The following ASZ1 variants were observed in gnomAD, a reference collection of about 807,000 sequenced individuals.
The protein encoded by ASZ1 is ankyrin repeat, SAM and basic leucine zipper domain-containing protein 1.
ASZ1 carries 67 observed loss-of-function variants against 61.8 expected under a neutral mutation model. The observed-to-expected ratio is 1.08, with a 90% confidence interval of 0.89 to 1.33. The LOEUF is 1.33. Ranked by LOEUF, ASZ1 falls within the 40% of genes most tolerant of loss-of-function variation. ASZ1 has a pLI of 0.00. For missense variants in ASZ1, 577 were observed against 554.5 expected, an observed-to-expected ratio of 1.04 and a Z score of -0.41; for synonymous variants, 193 against 192.7, an observed-to-expected ratio of 1.00 and a Z score of -0.01.
intron 4 of ASZ1, among the ~76,000 whole-genome samples, chr7:117,408,084 A>G (rs899157763): frequency 6.6e-6 from 1 of 152,108 alleles, no homozygotes. Context: ...TTTATGAAGG[A>G]ATGGTTAAAT....
At chr7:117,369,817 A>G (rs1796015265) in intron 10 of ASZ1, among the ~76,000 whole-genome samples, 1 of 152,210 alleles carries the variant, frequency 6.6e-6, no homozygotes, top group African/African-American at 2.4e-5. Context: ...ATGGCATAAT[A>G]ATTAAGAACA....
rs1584748344 is a variant in ASZ1 at position 117,426,891 on chromosome 7, A to G, written c.150T>C (p.Phe50=). 7 of 1,613,080 alleles carry G rather than the reference A, an allele frequency of 4.3e-6. No homozygotes were observed. In the South Asian group the frequency reaches 5.5e-5, roughly 13 times the overall value. Reference sequence around the variant, plus strand: ...CATCTCCGATGGTCATTGCTTTCTTAAATTTTTCTTTCTTTTCTTCAATGG... The same window carrying G: ...CATCTCCGATGGTCATTGCTTTCTTGAATTTTTCTTTCTTTTCTTCAATGG... ...LLPIEEKKEK[F]KKAMTIGDVS... Residue 50 remains phenylalanine (F), a synonymous_variant, in exon 2 of 13, where the codon TTT becomes TTC. Transcript: ENST00000284629.
At chr7:117,396,130 A>C (rs1207317786) in intron 4 of ASZ1, among the ~76,000 whole-genome samples, 1 of 152,190 alleles carries the variant, frequency 6.6e-6, no homozygotes, top group Non-Finnish European at 1.5e-5. Flanking sequence ...TATGAGCATA[A>C]AATAGTTTCT....
rs529255725 is a variant in ASZ1 at position 117,425,439 on chromosome 7, T to C, written c.205+1397A>G. Among the ~76,000 whole-genome samples, 91 of 151,776 alleles carry C rather than the reference T, an allele frequency of 6.0e-4. 1 individual carries two copies. The highest frequency in any genetic ancestry group is 3.4e-3 in the Middle Eastern group (1 of 292). On this transcript the variant is annotated intron_variant, in intron 2 of 12. Transcript: ENST00000284629. ...CGCCACCACGCCCAGCTAATTTTTT[T>C]TGTGTTTTTTAGTAGAGACGGGGTT...
Position 117,422,310 on chromosome 7 carries a change from A to C in ASZ1, c.255T>G (p.Tyr85Ter). The change falls in exon 3 of 13, where the codon TAT (tyrosine) becomes TAG (stop). Residue 85 changes from tyrosine to a stop codon, truncating the protein, a stop_gained. Coordinates refer to ENST00000284629, the MANE Select transcript of ASZ1 (RefSeq NM_130768.3). LOFTEE classifies it high-confidence loss of function. ...GCTCTGCATTGGCAACACTAGCAGC[A>C]TACATAAGGGGAGTCCATCCATACT... is the stretch of plus-strand genomic sequence containing the variant. ...NFQYGWTPLM[Y>*]AASVANAELV... 1 of 1,613,820 alleles carries C rather than the reference A, an allele frequency of 6.2e-7. No individual in the cohort carries two copies. Among genetic ancestry groups the C allele is most frequent in the Non-Finnish European group, 8.5e-7 (1 of 1,179,742 alleles).
chr7:117,382,735 T>C (rs1004659527), intron 7 of ASZ1, among the ~76,000 whole-genome samples: 3 of 152,080 alleles, frequency 2.0e-5, no homozygotes, highest in African/African-American at 7.2e-5. Context: ...TTCAGAACCT[T>C]TTAAAAATAG....
Position 117,426,001 on chromosome 7 carries a change from C to T in ASZ1, c.205+835G>A, listed in dbSNP as rs1233700255. On this transcript the variant is annotated intron_variant, in intron 2 of 12. Transcript: ENST00000284629. ...AGAGAGACACTCCATCCCCTTCCTTCAACCCCCCAAAAATGAAATCTGATG... is the reference window on the plus strand; with the variant it reads ...AGAGAGACACTCCATCCCCTTCCTTTAACCCCCCAAAAATGAAATCTGATG... Among the ~76,000 whole-genome samples, 3 of 151,882 alleles carry T rather than the reference C, an allele frequency of 2.0e-5. No homozygotes were observed. In the East Asian group the frequency reaches 5.9e-4, roughly 30 times the overall value.
At chr7:117,383,481 G>A (rs4730779) in intron 6 of ASZ1, among the ~76,000 whole-genome samples, 82,913 of 151,760 alleles carry the variant, frequency 0.55, 25,904 homozygotes, top group African/African-American at 0.87. Context: ...GATACATAGC[G>A]AAACTAAAAA....
chr7:117,394,933 T>A (rs1490926901), intron 4 of ASZ1, among the ~76,000 whole-genome samples: 1 of 152,220 alleles, frequency 6.6e-6, no homozygotes, highest in Non-Finnish European at 1.5e-5. Context: ...TCTTTTATTG[T>A]TCAGGAATAA....
chr7:117,413,773 T>TA (rs1214432933), intron 4 of ASZ1, among the ~76,000 whole-genome samples: 1 of 151,998 alleles, frequency 6.6e-6, no homozygotes, highest in African/African-American at 2.4e-5. Context: ...AATAAGATTT[T>TA]AAAAAAGAAG....
At chr7:117,417,848 A>T (rs2116530975) in intron 4 of ASZ1, among the ~76,000 whole-genome samples, 1 of 152,330 alleles carries the variant, frequency 6.6e-6, no homozygotes, top group East Asian at 1.9e-4. Flanking sequence ...TAGAGAGTTG[A>T]TCATATACCA....
chr7:117,374,709 T>C (rs751900159), intron 10 of ASZ1, among the ~76,000 whole-genome samples: 2 of 152,032 alleles, frequency 1.3e-5, no homozygotes, highest in Non-Finnish European at 2.9e-5. Flanking sequence ...TAAGCTGGTA[T>C]TAAAAGTAAG....
At chr7:117,366,691 A>C (rs528821826) in intron 12 of ASZ1, among the ~76,000 whole-genome samples, 4 of 152,044 alleles carry the variant, frequency 2.6e-5, no homozygotes, top group African/African-American at 9.6e-5. Flanking sequence ...ACCAGAACCA[A>C]AGAAGTCCAT....
In ASZ1 at chr7:117,379,468, C is replaced by T. The variant is rs1202875372; in HGVS notation, c.1055+470G>A. ...GGGATTATTAATAACCATTGCTTGACAAGTTCATAATATTGGAAATGAAGT... is the reference window on the plus strand; with the variant it reads ...GGGATTATTAATAACCATTGCTTGATAAGTTCATAATATTGGAAATGAAGT... On this transcript the variant is annotated intron_variant, in intron 10 of 12. Coordinates refer to ENST00000284629, the MANE Select transcript of ASZ1 (RefSeq NM_130768.3). 3.3e-5 allele frequency among the ~76,000 whole-genome samples: 5 copies of T among 151,576 alleles called. No homozygotes were observed. The South Asian group carries it at 6.2e-4, about 19-fold the overall frequency.
At chr7:117,381,654 C>G (rs959470929) in intron 8 of ASZ1, among the ~76,000 whole-genome samples, 8 of 152,040 alleles carry the variant, frequency 5.3e-5, no homozygotes, top group African/African-American at 1.7e-4. Flanking sequence ...CATGACAACC[C>G]AACACTAGGT....
At chr7:117,372,258 C>G (rs146875332) in intron 10 of ASZ1, among the ~76,000 whole-genome samples, 1 of 152,308 alleles carries the variant, frequency 6.6e-6, no homozygotes, top group East Asian at 1.9e-4. Context: ...GTCCCCCGAT[C>G]CCTGTCAGGG....
At chr7:117,387,307 TCAACAACAACAA>T (rs3034755) in intron 4 of ASZ1, among the ~76,000 whole-genome samples, 3,124 of 147,356 alleles carry the variant, frequency 0.021, 112 homozygotes, top group African/African-American at 0.073. Context: ...AGACCCTGTC[TCAACAACAACAA>T]CAACAACAAC....
At chr7:117,407,348 T>G (rs1411652006) in intron 4 of ASZ1, among the ~76,000 whole-genome samples, 1 of 151,428 alleles carries the variant, frequency 6.6e-6, no homozygotes, top group Non-Finnish European at 1.5e-5. Flanking sequence ...ATAGGAGGCT[T>G]AAAAGATGTA....
chr7:117,363,793 A>G, intron 12 of ASZ1, 45 bp from the exon 13 acceptor site: 3 of 1,381,168 alleles, frequency 2.2e-6, no homozygotes, highest in Non-Finnish European at 2.9e-6. Context: ...ACTGTACAAT[A>G]CATTAATAAA....
Sources: gnomAD v4.1 joint callset for allele counts (sites outside exome capture counted in the v4.1 genomes callset) on GRCh38, gnomAD v4.1.1 for gene constraint, MANE v1.5 for transcripts, NCBI Gene and HGNC (gene_info 2026-07-23, HGNC 2026-07-21) for gene names.